The following CATSPER2 variants were observed in gnomAD, a reference collection of about 807,000 sequenced individuals.
The protein encoded by CATSPER2 is cation channel sperm associated 2, also known as cation channel sperm-associated protein 2.
Under a neutral mutation model 68.8 loss-of-function variants are expected in CATSPER2, and 56 were observed. The observed-to-expected ratio is 0.81, with a 90% confidence interval of 0.66 to 1.02. The LOEUF (loss-of-function observed/expected upper bound fraction) is 1.02. Ranked by LOEUF, CATSPER2 falls within the 50% of genes least tolerant of loss-of-function variation. CATSPER2 has a pLI of 0.00. For synonymous variants in CATSPER2, 198 were observed against 229.9 expected (o/e 0.86, Z 1.26); for missense variants, 582 against 642.0 (o/e 0.91, Z 1.01).
intron 1 of CATSPER2, among the ~76,000 whole-genome samples, chr15:43,648,371 A>G (rs1041916727): frequency 2.0e-5 from 3 of 152,054 alleles, no homozygotes; most frequent in African/African-American, 7.2e-5. Context: ...CACCGCAAGA[A>G]AAAGGAGCAG....
At chr15:43,632,528 A>T in intron 11 of CATSPER2, 165 bp from the exon 12 acceptor site, 1 of 1,419,214 alleles carries the variant, frequency 7.0e-7, no homozygotes, top group Non-Finnish European at 9.8e-7. Context: ...ACGAGCAAAG[A>T]GGGCCACAGC....
intron 4 of CATSPER2, among the ~76,000 whole-genome samples, chr15:43,642,102 CT>C (rs11440900): frequency 7.2e-4 from 105 of 146,034 alleles, no homozygotes; most frequent in South Asian, 4.3e-3. Context: ...AATTAGGATG[CT>C]TTTTTTTTTT....
rs2086020424 is a variant in CATSPER2, at chr15:43,639,025, T to G, written c.721A>C (p.Met241Leu). ...ILVLVRALKSMTFLLMLLLIF... is the reference protein window; with the variant it reads ...ILVLVRALKSLTFLLMLLLIF... ...AGCAGCAACATCAAGAGGAAGGTCA[T>G]GCTCTAGAGGCCATAACTCTCATGT... Residue 241 changes from methionine (M) to leucine (L), a missense_variant, in exon 7 of 13, where the codon ATG (methionine) becomes CTG (leucine). Met to Leu is a conservative substitution (Grantham distance 15). This residue lies in a region of CATSPER2 where 91 missense variants were observed against 72.8 expected (regional missense o/e 1.25). Coordinates refer to ENST00000396879, the MANE Select transcript of CATSPER2 (RefSeq NM_172095.4). 6.2e-7 allele frequency: 1 copy of G among 1,612,150 alleles called. No homozygotes were observed. Among genetic ancestry groups the G allele is most frequent in the African/African-American group, 1.3e-5 (1 of 74,740 alleles).
chr15:43,633,099 T>A (rs1331123715), intron 10 of CATSPER2, 165 bp from the exon 11 acceptor site: 1 of 887,278 alleles, frequency 1.1e-6, no homozygotes, highest in Non-Finnish European at 1.7e-6. Context: ...CAATCATTCA[T>A]GTGTCATCCT....
At position 43,632,781 on chromosome 15, in the gene CATSPER2, G is replaced by C. The variant is rs1236954261; in HGVS notation, c.1332C>G (p.Ser444=). 1 of 1,613,748 alleles carries C rather than the reference G, an allele frequency of 6.2e-7. No homozygotes were observed. The highest frequency in any genetic ancestry group is 2.2e-5 in the East Asian group (1 of 44,866). The part of the protein sequence containing the change: ...LSKKREYQSS[S]CVSSTSSSYS... ...AGGAAGAGGATGTGGAGGAGACACA[G>C]GAGGAAGACTGGTACTCTCTCTTTT... The change falls in exon 11 of 13, where the codon TCC becomes TCG. Residue 444 remains serine, a synonymous_variant. Transcript: ENST00000396879.
In CATSPER2 at chr15:43,640,453, C is replaced by T; in HGVS notation, c.432G>A (p.Leu144=). 1 of 1,613,310 alleles carries T rather than the reference C, an allele frequency of 6.2e-7. No individual in the cohort carries two copies. The highest frequency in any genetic ancestry group is 8.5e-7 in the Non-Finnish European group (1 of 1,179,542). Residue 144 remains leucine (L), a synonymous_variant, in exon 5 of 13, where the codon CTG becomes CTA. Coordinates refer to ENST00000396879, the MANE Select transcript of CATSPER2 (RefSeq NM_172095.4). ...STNTKLWPLK[L]TLEVAAWFIL... The stretch of plus-strand genomic sequence containing the variant: ...TAAACCAAGCTGCCACCTCCAAGGT[C>T]AGCTTCAATGGCCATAGTTTGGTAT...
intron 2 of CATSPER2, 145 bp downstream of exon 2, chr15:43,647,772 T>C: frequency 3.2e-6 from 3 of 935,288 alleles, no homozygotes; most frequent in South Asian, 1.4e-5. Flanking sequence ...ACGTGGATTC[T>C]ATCTCTTCAG....
chr15:43,648,845 G>T, upstream of CATSPER2: 1 of 1,526,426 alleles, frequency 6.6e-7, no homozygotes, highest in Non-Finnish European at 8.8e-7. Flanking sequence ...GCGGAGCAAC[G>T]CTCGCCCAGC....
At chr15:43,646,737 CAG>C (rs1308163312) in intron 4 of CATSPER2, among the ~76,000 whole-genome samples, 1 of 139,694 alleles carries the variant, frequency 7.2e-6, no homozygotes, top group African/African-American at 2.8e-5. Flanking sequence ...TTTTTTGAGA[CAG>C]AGTTGTACTC....
chr15:43,642,759 G>A (rs1163533192), intron 4 of CATSPER2: 1 of 139,436 alleles, frequency 7.2e-6, no homozygotes, highest in Non-Finnish European at 1.5e-5. Context: ...TTTTATAGAA[G>A]CTAAACAAAC....
intron 1 of CATSPER2, 87 bp from the exon 2 acceptor site, chr15:43,648,150 C>T: frequency 6.8e-7 from 1 of 1,479,380 alleles, no homozygotes; most frequent in Non-Finnish European, 9.4e-7. Flanking sequence ...CCTCCCCACC[C>T]TCTTTACCCT....
chr15:43,648,765 C>T lies in CATSPER2; in HGVS notation c.-139G>A, dbSNP rs1165718850. Reference sequence around the variant, plus strand: ...AGCCTCACTGCGCCCCATTCCCCGCCCCGCTCGACCCCCAGGTTTCGGCTC... The same window carrying T: ...AGCCTCACTGCGCCCCATTCCCCGCTCCGCTCGACCCCCAGGTTTCGGCTC... On this transcript the variant is annotated 5_prime_UTR_variant, in exon 1 of 13. Transcript: ENST00000396879. The T allele has an allele frequency of 6.5e-7, 1 of 1,528,748 alleles. No individual in the cohort carries two copies. The highest frequency in any genetic ancestry group is 2.0e-5 in the Admixed American group (1 of 50,006). The allele number at this position is 1,528,748 out of a possible 1,614,324, so 94.7% of individuals were successfully genotyped here.
At chr15:43,638,099 C>T (rs1357815892) in intron 7 of CATSPER2, among the ~76,000 whole-genome samples, 2 of 150,846 alleles carry the variant, frequency 1.3e-5, no homozygotes, top group East Asian at 1.9e-4. Flanking sequence ...GGATTACAGG[C>T]GCCCACCACC....
At position 43,640,429 on chromosome 15, in the gene CATSPER2, A is replaced by T; in HGVS notation, c.456T>A (p.Phe152Leu). 6.2e-7 allele frequency: 1 copy of T among 1,613,220 alleles called. No individual in the cohort carries two copies. Among genetic ancestry groups the T allele is most frequent in the Non-Finnish European group, 8.5e-7 (1 of 1,179,440 alleles). Residue 152 changes from phenylalanine (F) to leucine (L), a missense_variant, in exon 5 of 13, where the codon TTT becomes TTA. Phe to Leu is a conservative substitution (Grantham distance 22, BLOSUM62 0). Coordinates refer to ENST00000396879, the MANE Select transcript of CATSPER2 (RefSeq NM_172095.4). Reference protein sequence around the residue: ...LKLTLEVAAWFILLIFILEIL... With the variant: ...LKLTLEVAAWLILLIFILEIL... ...TCTCCAGGATGAAAATAAGCAAGAT[A>T]AACCAAGCTGCCACCTCCAAGGTCA...
At chr15:43,640,231 G>C in intron 5 of CATSPER2, 93 bp downstream of exon 5, 1 of 1,582,274 alleles carries the variant, frequency 6.3e-7, no homozygotes, top group South Asian at 1.2e-5. Context: ...GTAAATTTTT[G>C]TTTCTTCCTA....
At chr15:43,640,088 A>C in intron 5 of CATSPER2, 16 of 1,439,360 alleles carry the variant, frequency 1.1e-5, no homozygotes, top group Non-Finnish European at 1.5e-5. Context: ...GGCACTTAGT[A>C]AGTGCTCAGT....
upstream of CATSPER2, chr15:43,648,875 GC>G: frequency 6.7e-7 from 1 of 1,492,214 alleles, no homozygotes; most frequent in Non-Finnish European, 9.0e-7. Flanking sequence ...CCTAGGCCCC[GC>G]CCCGCCCCGC....
chr15:43,628,765 A>AT lies in CATSPER2; in HGVS notation c.*1935_*1936insA, dbSNP rs1460676933. 7.8e-6 allele frequency: 1 copy of AT among 127,778 alleles called. No homozygotes were observed. The highest frequency in any genetic ancestry group is 3.8e-5 in the African/African-American group (1 of 26,568). The allele number at this position is 127,778 out of a possible 1,614,324, so 7.9% of individuals were successfully genotyped here. On this transcript the variant is annotated 3_prime_UTR_variant, in exon 13 of 13. Transcript: ENST00000396879. ...CAATTTGTTCAGACGTAAGCATATG[A>AT]CCTAACTTCTTGGTCCAATCAGAGT...
At position 43,630,486 on chromosome 15, in the gene CATSPER2, C is replaced by G. The variant is rs540438371; in HGVS notation, c.*215G>C. Reference sequence around the variant, plus strand: ...TCTCCTGCCTCAGGCTCCCAAGTAGCTATGATTACAAGCATCTGCCACCAC... The same window carrying G: ...TCTCCTGCCTCAGGCTCCCAAGTAGGTATGATTACAAGCATCTGCCACCAC... On this transcript the variant is annotated 3_prime_UTR_variant, in exon 13 of 13. Coordinates refer to ENST00000396879, the MANE Select transcript of CATSPER2 (RefSeq NM_172095.4). The G allele has an allele frequency of 1.6e-4, 163 of 1,008,804 alleles. 6 individuals are homozygous for G. In the African/African-American group the frequency reaches 2.6e-3, roughly 16 times the overall value. 62.5% of individuals were successfully genotyped at this position (1,008,804 alleles called of 1,614,324 possible).
Sources: allele counts gnomAD v4.1 joint callset (sites outside exome capture counted in the v4.1 genomes callset), GRCh38; gene constraint gnomAD v4.1.1; regional missense constraint gnomAD v4.1.1; transcripts MANE v1.5; gene names NCBI Gene and HGNC (gene_info 2026-07-23, HGNC 2026-07-21).